Variants in ARPC4 observed in about 807,000 individuals in gnomAD.
ARPC4 encodes actin related protein 2/3 complex subunit 4.
In ARPC4, 3 loss-of-function variants were observed where a neutral mutation model predicts 22.8. The ratio of observed to expected loss-of-function variants is 0.13; its 90% confidence interval spans 0.06 to 0.34. The LOEUF (loss-of-function observed/expected upper bound fraction) is 0.34, where lower values mean the gene tolerates loss of function less well. ARPC4 is among the 10% of genes least tolerant of loss of function. ARPC4 has a pLI of 1.00. For missense variants in ARPC4, 98 were observed against 211.0 expected (o/e 0.46, Z 3.32); for synonymous variants, 80 against 72.5 (o/e 1.10, Z -0.52).
At chr3:9,804,620 C>CT (rs955944932) in intron 5 of ARPC4, among the ~76,000 whole-genome samples, 37 of 151,484 alleles carry the variant, frequency 2.4e-4, no homozygotes, top group South Asian at 4.2e-4. Context: ...CAGAACATGC[C>CT]TTTTTTTTTC....
upstream of ARPC4, chr3:9,793,007 A>C: frequency 1.3e-6 from 2 of 1,522,322 alleles, no homozygotes; most frequent in Non-Finnish European, 1.8e-6. Context: ...CGGAGCATAG[A>C]TGGTACCGTC....
At chr3:9,793,962 C>T (rs945658516) in intron 1 of ARPC4, among the ~76,000 whole-genome samples, 9 of 152,258 alleles carry the variant, frequency 5.9e-5, no homozygotes, top group Non-Finnish European at 1.0e-4. Context: ...TGAAATTAGA[C>T]CTCTAGTTCA....
intron 2 of ARPC4, among the ~76,000 whole-genome samples, chr3:9,799,155 C>G (rs189892634): frequency 6.6e-6 from 1 of 152,102 alleles, no homozygotes; most frequent in Non-Finnish European, 1.5e-5. Flanking sequence ...TCATAGGGGT[C>G]TCAGAGGCAA....
intron 1 of ARPC4, among the ~76,000 whole-genome samples, chr3:9,796,465 T>C (rs1412162100): frequency 6.6e-6 from 1 of 152,192 alleles, no homozygotes; most frequent in Non-Finnish European, 1.5e-5. Context: ...TAGGGGGATG[T>C]CAAGGTCTCT....
At position 9,801,647 on chromosome 3, in the gene ARPC4, C is replaced by T. The variant is rs1289318192; in HGVS notation, c.235-14C>T. 2 of 1,596,326 alleles carry T rather than the reference C, an allele frequency of 1.3e-6. No homozygotes were observed. The highest frequency in any genetic ancestry group is 1.7e-6 in the Non-Finnish European group (2 of 1,168,824). ...GTCAGCTTTAGAGAAACATTTCTCT[C>T]TTGCACTCCCCAGGCTGATGAGATC... On this transcript the variant is annotated splice_polypyrimidine_tract_variant and intron_variant, in intron 3 of 5. Coordinates refer to ENST00000397261, the MANE Select transcript of ARPC4 (RefSeq NM_005718.5).
chr3:9,806,091 A>C, intron 5 of ARPC4, 119 bp from the exon 6 acceptor site: 1 of 1,209,820 alleles, frequency 8.3e-7, no homozygotes, highest in Non-Finnish European at 1.2e-6. Flanking sequence ...CTGGGACCCA[A>C]CTCTGCCCCT....
At chr3:9,806,061 G>C in intron 5 of ARPC4, 149 bp from the exon 6 acceptor site, 1 of 894,794 alleles carries the variant, frequency 1.1e-6, no homozygotes, top group Non-Finnish European at 1.9e-6. Context: ...GGCTGAATTA[G>C]AGCATGACCA....
chr3:9,795,913 T>C (rs1447924274), intron 1 of ARPC4, among the ~76,000 whole-genome samples: 2 of 151,124 alleles, frequency 1.3e-5, no homozygotes, highest in Non-Finnish European at 2.9e-5. Flanking sequence ...CTGGCCAACA[T>C]GGCGAAACCC....
intron 4 of ARPC4, among the ~76,000 whole-genome samples, chr3:9,803,360 C>T (rs1023662534): frequency 4.6e-5 from 7 of 152,212 alleles, no homozygotes; most frequent in Admixed American, 1.3e-4. Context: ...TAGCCAAGTT[C>T]TTCCTCATTC....
chr3:9,804,428 A>G (rs529569210), intron 5 of ARPC4, among the ~76,000 whole-genome samples: 3 of 152,306 alleles, frequency 2.0e-5, no homozygotes, highest in South Asian at 4.1e-4. Flanking sequence ...TTCCTTCAGC[A>G]TGTTTCTCAG....
intron 1 of ARPC4, among the ~76,000 whole-genome samples, chr3:9,793,759 C>T (rs2078812606): frequency 6.6e-6 from 1 of 152,156 alleles, no homozygotes; most frequent in African/African-American, 2.4e-5. Flanking sequence ...CTTTTTCATA[C>T]ATGTGGGCCT....
At chr3:9,792,991 C>A, upstream of ARPC4, 1 of 1,470,778 alleles carries the variant, frequency 6.8e-7, no homozygotes. Flanking sequence ...GGCTCTCTAC[C>A]CCGCTCGGAG....
At chr3:9,800,382 C>A in intron 3 of ARPC4, 86 bp downstream of exon 3, 1 of 1,260,800 alleles carries the variant, frequency 7.9e-7, no homozygotes, top group Non-Finnish European at 1.1e-6. Flanking sequence ...TCTGAGAGAT[C>A]AGTGTGCCAG....
upstream of ARPC4, chr3:9,792,759 T>C: frequency 3.2e-6 from 4 of 1,245,532 alleles, no homozygotes; most frequent in Non-Finnish European, 4.0e-6. Context: ...AACGAAGGGC[T>C]CGTCCGCTTC....
At chr3:9,796,353 C>T (rs2078885719) in intron 1 of ARPC4, among the ~76,000 whole-genome samples, 2 of 152,218 alleles carry the variant, frequency 1.3e-5, no homozygotes, top group African/African-American at 4.8e-5. Flanking sequence ...GAGATCGTGC[C>T]ACTGCACTCC....
Position 9,803,915 on chromosome 3 carries a change from G to A in ARPC4, c.403G>A (p.Val135Met). The change falls in exon 5 of 6, where the codon GTG becomes ATG. Residue 135 changes from valine to methionine, a missense_variant. Physicochemically the swap from Val to Met is conservative, Grantham distance 21. Transcript: ENST00000397261. ...QMYKHKLVDF[V>M]IHFMEEIDKE... is the part of the protein sequence containing the mutation. Reference sequence around the variant, plus strand: ...GTACAAACACAAGTTGGTGGACTTTGTGATCCACTTCATGGAGGAGATTGA... The same window carrying A: ...GTACAAACACAAGTTGGTGGACTTTATGATCCACTTCATGGAGGAGATTGA... The A allele has an allele frequency of 6.2e-7, 1 of 1,614,244 alleles. No homozygotes were observed. Among genetic ancestry groups the A allele is most frequent in the Non-Finnish European group, 8.5e-7 (1 of 1,180,046 alleles).
chr3:9,796,838 G>A (rs936869091), intron 1 of ARPC4, among the ~76,000 whole-genome samples: 8 of 151,822 alleles, frequency 5.3e-5, no homozygotes, highest in African/African-American at 1.9e-4. Flanking sequence ...CTACTTGGGA[G>A]GCTGAGGCAG....
At chr3:9,793,660 A>C (rs934371693) in intron 1 of ARPC4, among the ~76,000 whole-genome samples, 3 of 152,052 alleles carry the variant, frequency 2.0e-5, no homozygotes, top group African/African-American at 7.2e-5. Context: ...CCTGGTCAGA[A>C]CTGAACTGTG....
intron 5 of ARPC4, among the ~76,000 whole-genome samples, chr3:9,804,733 C>T (rs899496241): frequency 7.2e-5 from 11 of 152,132 alleles, no homozygotes; most frequent in South Asian, 2.1e-4. Context: ...TAAGTACATA[C>T]CCAGTCCAGA....
Sources: gnomAD v4.1 joint callset for allele counts (sites outside exome capture counted in the v4.1 genomes callset) on GRCh38, gnomAD v4.1.1 for gene constraint, MANE v1.5 for transcripts, NCBI Gene and HGNC (gene_info 2026-07-23, HGNC 2026-07-21) for gene names.